The following EZH1 variants were observed in gnomAD, a reference collection of about 807,000 sequenced individuals.
EZH1 encodes enhancer of zeste 1 polycomb repressive complex 2 subunit, also known as histone-lysine N-methyltransferase EZH1.
Under a neutral mutation model 100.5 loss-of-function variants are expected in EZH1, and 33 were observed. The ratio of observed to expected loss-of-function variants is 0.33; its 90% CI spans 0.25 to 0.44. The LOEUF (loss-of-function observed/expected upper bound fraction) is 0.44, where lower values mean the gene tolerates loss of function less well. EZH1 is among the 20% of genes least tolerant of loss of function. The pLI is 1.00. For synonymous variants in EZH1, 272 were observed against 313.8 expected (o/e 0.87, Z 1.41); for missense variants, 475 against 928.4 (o/e 0.51, Z 6.35).
chr17:42,721,648 C>T (rs76593818), intron 6 of EZH1, among the ~76,000 whole-genome samples: 3,733 of 151,158 alleles, frequency 0.025, 166 homozygotes, highest in African/African-American at 0.086. Flanking sequence ...ATTTCTGTTT[C>T]TGCTGCTTGA....
At position 42,720,351 on chromosome 17, in the gene EZH1, C is replaced by A; in HGVS notation, c.586G>T (p.Asp196Tyr). 1 of 1,614,198 alleles carries A rather than the reference C, an allele frequency of 6.2e-7. No individual in the cohort carries two copies. The highest frequency in any genetic ancestry group is 8.5e-7 in the Non-Finnish European group (1 of 1,180,024). Residue 196 changes from aspartate (D) to tyrosine (Y), a missense_variant, in exon 7 of 21, where the codon GAC becomes TAC. Asp to Tyr is a radical substitution (Grantham distance 160). Transcript: ENST00000428826. ...YSDEEEEGHN[D>Y]TSDGKQDDSK... ...TCATCCTGCTTTCCATCTGAGGTGT[C>A]ATTGTGCCCTTCCTCCTCCTCATCT...
intron 4 of EZH1, among the ~76,000 whole-genome samples, chr17:42,725,795 A>T (rs554386143): frequency 3.3e-4 from 51 of 152,326 alleles, no homozygotes; most frequent in Admixed American, 1.6e-3. Flanking sequence ...GGTGATAGGG[A>T]TAGTACATGG....
intron 1 of EZH1, among the ~76,000 whole-genome samples, chr17:42,732,415 C>T (rs2053968201): frequency 6.6e-6 from 1 of 151,954 alleles, no homozygotes; most frequent in Non-Finnish European, 1.5e-5. Flanking sequence ...AGAGGATAGC[C>T]TGAGCTCAGG....
intron 10 of EZH1, among the ~76,000 whole-genome samples, chr17:42,715,296 C>G (rs1034133845): frequency 1.4e-5 from 2 of 146,282 alleles, no homozygotes; most frequent in African/African-American, 5.1e-5. Flanking sequence ...TTTTTTGAGA[C>G]GAGGTCTTGC....
At chr17:42,734,472 G>A (rs892540371) in intron 1 of EZH1, among the ~76,000 whole-genome samples, 13 of 151,642 alleles carry the variant, frequency 8.6e-5, no homozygotes, top group African/African-American at 3.2e-4. Context: ...TACCAGCTGG[G>A]ACAACATGCC....
chr17:42,722,641 A>G (rs2143806116), intron 6 of EZH1, among the ~76,000 whole-genome samples, 154 bp downstream of exon 6: 1 of 152,054 alleles, frequency 6.6e-6, no homozygotes, highest in Admixed American at 6.6e-5. Flanking sequence ...AAAAAAAAAA[A>G]AAAAATTAAC....
At chr17:42,717,088 A>C (rs1317087418) in intron 10 of EZH1, among the ~76,000 whole-genome samples, 1 of 152,166 alleles carries the variant, frequency 6.6e-6, no homozygotes, top group Non-Finnish European at 1.5e-5. Context: ...TTATCAACAA[A>C]CTTTAGGCAA....
chr17:42,722,391 G>A (rs867846155), intron 6 of EZH1, among the ~76,000 whole-genome samples: 2 of 151,800 alleles, frequency 1.3e-5, no homozygotes, highest in South Asian at 2.1e-4. Flanking sequence ...TTAGGAGGCC[G>A]AGATAGGTGG....
Position 42,714,940 on chromosome 17 carries a change from T to A in EZH1, c.1024-1551A>T, listed in dbSNP as rs900322090. Among the ~76,000 whole-genome samples, 30 of 139,082 alleles carry A rather than the reference T, an allele frequency of 2.2e-4. No homozygotes were observed. The South Asian group carries it at 3.4e-3, about 16-fold the overall frequency. The allele number at this position is 139,082 out of a possible 152,430, so 91.2% of individuals were successfully genotyped here. ...TTATATAATTTATATAAATATAAAA[T>A]ATATATTTATATAATATATAAATAT... On this transcript the variant is annotated intron_variant, in intron 10 of 20. Transcript: ENST00000428826.
At chr17:42,703,597 G>A (rs866861762) in intron 19 of EZH1, 143 bp downstream of exon 19, 7 of 636,888 alleles carry the variant, frequency 1.1e-5, no homozygotes, top group Admixed American at 2.9e-5. Flanking sequence ...AGATTGAGAG[G>A]GGCCTAAAAT....
At position 42,727,732 on chromosome 17, in the gene EZH1, T is replaced by G; in HGVS notation, c.149A>C (p.Gln50Pro). 1 of 1,605,688 alleles carries G rather than the reference T, an allele frequency of 6.2e-7. No individual in the cohort carries two copies. Among genetic ancestry groups the G allele is most frequent in the Non-Finnish European group, 8.5e-7 (1 of 1,177,366 alleles). Residue 50 changes from glutamine (Q) to proline (P), a missense_variant, in exon 4 of 21, where the codon CAA (glutamine) becomes CCA (proline). By Grantham distance (76) the Gln-to-Pro change is moderately conservative. Transcript: ENST00000428826. ...TTCATTGAGGATCTGGGTTTTTTCT[T>G]GAACCTTTGCAAAATTTGCCACATA... Reference protein sequence around the residue: ...ALYVANFAKVQEKTQILNEEW... With the variant: ...ALYVANFAKVPEKTQILNEEW...
In EZH1 at chr17:42,713,295, G is replaced by C. The variant is rs1222450711; in HGVS notation, c.1118C>G (p.Ser373Cys). ...RRHHIVSASC[S>C]NASASAVAET... Reference sequence around the variant, plus strand: ...AGCCACAGCAGAGGCTGAGGCATTGGAGCAGGAAGCACTGACTATGTGGTG... The same window carrying C: ...AGCCACAGCAGAGGCTGAGGCATTGCAGCAGGAAGCACTGACTATGTGGTG... Residue 373 changes from serine (S) to cysteine (C), a missense_variant, in exon 11 of 21, where the codon TCC becomes TGC. Coordinates refer to ENST00000428826, the MANE Select transcript of EZH1 (RefSeq NM_001991.5). 1.2e-6 allele frequency: 2 copies of C among 1,614,080 alleles called. No individual in the cohort carries two copies. The highest frequency in any genetic ancestry group is 2.7e-5 in the African/African-American group (2 of 75,036).
chr17:42,719,005 C>T lies in EZH1; in HGVS notation c.767+100G>A. 3.5e-6 allele frequency: 3 copies of T among 860,850 alleles called. No individual in the cohort carries two copies. In the South Asian group the frequency reaches 4.5e-5, roughly 13 times the overall value. The allele number at this position is 860,850 out of a possible 1,614,324, so 53.3% of individuals were successfully genotyped here. On this transcript the variant is annotated intron_variant, in intron 8 of 20. Transcript: ENST00000428826. ...CAAATTGCGGGCAAATCATAATGCC[C>T]TTACCATAAACAAAGCTTTTTACTA...
chr17:42,710,958 TGAA>T (rs779739579), intron 12 of EZH1, among the ~76,000 whole-genome samples: 1 of 152,032 alleles, frequency 6.6e-6, no homozygotes, highest in Non-Finnish European at 1.5e-5. Context: ...ACAGGAAGCA[TGAA>T]GAAGAGGCCA....
At chr17:42,738,755 A>ATATTTT (rs1555651877) in intron 1 of EZH1, among the ~76,000 whole-genome samples, 8 of 91,214 alleles carry the variant, frequency 8.8e-5, no homozygotes, top group South Asian at 3.4e-4. Context: ...CCTGGCCTAG[A>ATATTTT]TTTTTTTTTT....
Position 42,700,281 on chromosome 17 carries a change from CT to C in EZH1, c.*2250del, listed in dbSNP as rs2053216045. 6.5e-6 allele frequency: 1 copy of C among 152,814 alleles called. No homozygotes were observed. Among genetic ancestry groups the C allele is most frequent in the South Asian group, 2.1e-4 (1 of 4,836 alleles). The allele number at this position is 152,814 out of a possible 1,614,324, so 9.5% of individuals were successfully genotyped here. On this transcript the variant is annotated 3_prime_UTR_variant, in exon 21 of 21. Coordinates refer to ENST00000428826, the MANE Select transcript of EZH1 (RefSeq NM_001991.5). ...AGTACACAACTTGCCAAAATGGATT[CT>C]AACACTTTATTAAGAGGTCACAAGC...
At chr17:42,731,790 C>T (rs2053954268) in intron 1 of EZH1, 2 of 151,676 alleles carry the variant, frequency 1.3e-5, no homozygotes, top group African/African-American at 2.4e-5. Flanking sequence ...ATCCCAGCTA[C>T]TCGGGAGGCT....
intron 5 of EZH1, 72 bp downstream of exon 5, chr17:42,724,233 G>A: frequency 3.2e-6 from 5 of 1,570,866 alleles, no homozygotes; most frequent in Non-Finnish European, 3.5e-6. Context: ...TTTACCCTAA[G>A]AGGAGCTCTG....
chr17:42,740,789 T>A (rs1258363991), intron 1 of EZH1, among the ~76,000 whole-genome samples: 1 of 152,190 alleles, frequency 6.6e-6, no homozygotes, highest in African/African-American at 2.4e-5. Context: ...AAAATAAGAC[T>A]TTTTAGTCTA....
Sources: allele counts gnomAD v4.1 joint callset (sites outside exome capture counted in the v4.1 genomes callset), GRCh38; gene constraint gnomAD v4.1.1; transcripts MANE v1.5; gene names NCBI Gene and HGNC (gene_info 2026-07-23, HGNC 2026-07-21).